Variants in SCTR observed in about 807,000 individuals in gnomAD.
SCTR encodes the protein secretin receptor, also known as pancreatic secretin receptor.
SCTR carries 56 observed loss-of-function variants against 60.8 expected under a neutral mutation model. The ratio of observed to expected loss-of-function variants is 0.92; its 90% CI spans 0.74 to 1.15. The LOEUF is 1.15. SCTR is among the 50% of genes most tolerant of loss of function. SCTR has a pLI of 0.00. For missense variants in SCTR, 562 were observed against 550.4 expected (o/e 1.02, Z -0.21); for synonymous variants, 202 against 217.0 (o/e 0.93, Z 0.61).
At position 119,444,474 on chromosome 2, in the gene SCTR, C is replaced by T. The variant is rs891963810; in HGVS notation, c.1140+2285G>A. Among the ~76,000 whole-genome samples, 2 of 110,138 alleles carry T rather than the reference C, an allele frequency of 1.8e-5. 1 individual carries two copies. The highest frequency in any genetic ancestry group is 8.6e-5 in the African/African-American group (2 of 23,166). The allele number at this position is 110,138 out of a possible 152,430, so 72.3% of individuals were successfully genotyped here. ...GTACGTATATATATACACATATATA[C>T]GTACGTATATATATACACATATATA... is the stretch of plus-strand genomic sequence containing the variant. On this transcript the variant is annotated intron_variant, in intron 11 of 12. Coordinates refer to ENST00000019103, the MANE Select transcript of SCTR (RefSeq NM_002980.3).
chr2:119,468,129 G>A (rs543709652), intron 4 of SCTR, among the ~76,000 whole-genome samples: 2 of 152,276 alleles, frequency 1.3e-5, no homozygotes, highest in South Asian at 4.1e-4. Flanking sequence ...GGTTAACTTT[G>A]TATTATAGGC....
At chr2:119,484,073 T>C (rs1677754728) in intron 2 of SCTR, among the ~76,000 whole-genome samples, 1 of 152,172 alleles carries the variant, frequency 6.6e-6, no homozygotes, top group Non-Finnish European at 1.5e-5. Flanking sequence ...AGGGTCATCC[T>C]GGGCAGTTTT....
chr2:119,461,249 A>G (rs1442328491), intron 7 of SCTR, among the ~76,000 whole-genome samples: 1 of 152,246 alleles, frequency 6.6e-6, no homozygotes, highest in Non-Finnish European at 1.5e-5. Flanking sequence ...AAGAAAGAGG[A>G]CGTAGGAATG....
intron 1 of SCTR, among the ~76,000 whole-genome samples, chr2:119,504,621 AT>A (rs1472384578): frequency 1.3e-5 from 2 of 152,084 alleles, no homozygotes; most frequent in East Asian, 3.9e-4. Flanking sequence ...AAATAAATAA[AT>A]AAATAAAAGC....
At chr2:119,510,412 A>G (rs1678893908) in intron 1 of SCTR, among the ~76,000 whole-genome samples, 1 of 152,102 alleles carries the variant, frequency 6.6e-6, no homozygotes, top group Non-Finnish European at 1.5e-5. Flanking sequence ...GCAAAGAGGG[A>G]CTGGGGTCCC....
At chr2:119,481,150 T>A (rs1320570468) in intron 2 of SCTR, among the ~76,000 whole-genome samples, 2 of 152,230 alleles carry the variant, frequency 1.3e-5, no homozygotes, top group African/African-American at 4.8e-5. Context: ...GTCCCCTGAA[T>A]GGCAATTCTT....
chr2:119,501,140 G>A (rs558461119), intron 1 of SCTR, among the ~76,000 whole-genome samples: 7 of 152,328 alleles, frequency 4.6e-5, no homozygotes, highest in South Asian at 2.1e-4. Context: ...GCCAGGCATC[G>A]TGGCTCATGC....
In SCTR at chr2:119,521,571, G is replaced by T. The variant is rs1244513560; in HGVS notation, c.72+2584C>A. On this transcript the variant is annotated intron_variant, in intron 1 of 12. Transcript: ENST00000019103. ...TGTGATCAGTATTTCTTATAGGGAG[G>T]CCTCAGAAAACTGCCCCATTCGGCC... Among the ~76,000 whole-genome samples the T allele has an allele frequency of 2.6e-5, 4 of 152,088 alleles. No homozygotes were observed. In the East Asian group the frequency reaches 5.8e-4, roughly 22 times the overall value.
At chr2:119,449,674 GATCAGTGGA>G (rs1243807869) in intron 9 of SCTR, among the ~76,000 whole-genome samples, 4 of 152,038 alleles carry the variant, frequency 2.6e-5, no homozygotes, top group Non-Finnish European at 5.9e-5. Context: ...TAGAAGCAGG[GATCAGTGGA>G]ATCACCCAGC....
intron 11 of SCTR, among the ~76,000 whole-genome samples, chr2:119,445,935 C>G (rs1199337005): frequency 3.9e-5 from 6 of 151,918 alleles, no homozygotes; most frequent in Non-Finnish European, 2.9e-5. Flanking sequence ...ATTTTTTGTC[C>G]TTTGTATGTT....
In SCTR at chr2:119,506,625, T is replaced by C. The variant is rs545984187; in HGVS notation, c.73-12077A>G. 1.1e-4 allele frequency among the ~76,000 whole-genome samples: 16 copies of C among 152,190 alleles called. No individual in the cohort carries two copies. The East Asian group carries it at 3.1e-3, about 29-fold the overall frequency. On this transcript the variant is annotated intron_variant, in intron 1 of 12. Transcript: ENST00000019103. ...CTTCCTGCACAGGTAGGGCTACGCA[T>C]GCACTGCCATAGCCAGGCTAATTTT...
chr2:119,465,091 G>A (rs1683775668), intron 5 of SCTR, among the ~76,000 whole-genome samples: 1 of 152,208 alleles, frequency 6.6e-6, no homozygotes, highest in Non-Finnish European at 1.5e-5. Flanking sequence ...TCACCCTCAT[G>A]ACAGACTTGA....
intron 1 of SCTR, among the ~76,000 whole-genome samples, chr2:119,497,935 G>A (rs1678410462): frequency 6.6e-6 from 1 of 152,126 alleles, no homozygotes; most frequent in African/African-American, 2.4e-5. Flanking sequence ...TTCAGAAGGA[G>A]AGGAGAAAGA....
chr2:119,458,136 A>C (rs1025159153), intron 7 of SCTR, among the ~76,000 whole-genome samples: 3 of 151,872 alleles, frequency 2.0e-5, no homozygotes, highest in Admixed American at 1.3e-4. Context: ...TCTACAAAAA[A>C]TAAAAATAAG....
intron 1 of SCTR, among the ~76,000 whole-genome samples, chr2:119,502,947 C>T (rs144169259): frequency 0.025 from 3,737 of 151,084 alleles, 159 homozygotes; most frequent in African/African-American, 0.086. Context: ...GTCAGGAGAT[C>T]GAGACCATCC....
chr2:119,450,187 A>C (rs1231067267), intron 9 of SCTR, among the ~76,000 whole-genome samples: 12 of 152,072 alleles, frequency 7.9e-5, no homozygotes, highest in Non-Finnish European at 1.8e-4. Flanking sequence ...AAAGAAAGAA[A>C]GTCTTTAAGT....
chr2:119,476,218 C>T (rs928948452), intron 3 of SCTR, among the ~76,000 whole-genome samples: 1 of 152,138 alleles, frequency 6.6e-6, no homozygotes, highest in African/African-American at 2.4e-5. Flanking sequence ...TAATCAGACC[C>T]AGAAGTAGAT....
At chr2:119,476,056 C>G (rs1296343761) in intron 3 of SCTR, among the ~76,000 whole-genome samples, 1 of 152,152 alleles carries the variant, frequency 6.6e-6, no homozygotes, top group Non-Finnish European at 1.5e-5. Flanking sequence ...CCCCACCCCT[C>G]CTGTCAGGAC....
chr2:119,502,080 AC>A (rs1678572209), intron 1 of SCTR, among the ~76,000 whole-genome samples: 1 of 152,042 alleles, frequency 6.6e-6, no homozygotes, highest in Admixed American at 6.6e-5. Flanking sequence ...AGATGTCAAA[AC>A]CCCATTTCTA....
Sources: gnomAD v4.1 joint callset for allele counts (sites outside exome capture counted in the v4.1 genomes callset) on GRCh38, gnomAD v4.1.1 for gene constraint, MANE v1.5 for transcripts, NCBI Gene and HGNC (gene_info 2026-07-23, HGNC 2026-07-21) for gene names.